TNIK: variants seen among roughly 807,000 people sequenced by gnomAD.
TNIK encodes the protein TRAF2 and NCK interacting kinase.
In TNIK, 49 loss-of-function variants were observed where a neutral mutation model predicts 191.3. The ratio of observed to expected loss-of-function variants is 0.26; its 90% confidence interval spans 0.20 to 0.32. The LOEUF (loss-of-function observed/expected upper bound fraction) is 0.32, where lower values mean the gene tolerates loss of function less well. Among genes scored for constraint, TNIK ranks in the 10% least tolerant of loss-of-function variants. The pLI, the probability that TNIK is intolerant of heterozygous loss-of-function variation, is 1.00. For missense variants in TNIK, 1,155 were observed against 1,702.3 expected (o/e 0.68, Z 5.66); for synonymous variants, 594 against 600.9 (o/e 0.99, Z 0.17).
At chr3:171,343,046 T>G (rs1711549532) in intron 2 of TNIK, among the ~76,000 whole-genome samples, 1 of 152,092 alleles carries the variant, frequency 6.6e-6, no homozygotes, top group African/African-American at 2.4e-5. Flanking sequence ...GAAGTGTGAG[T>G]CGATTAAACC....
Position 171,084,269 on chromosome 3 carries a change from T to G in TNIK, c.3055A>C (p.Lys1019Gln). 1 of 1,613,898 alleles carries G rather than the reference T, an allele frequency of 6.2e-7. No homozygotes were observed. Among genetic ancestry groups the G allele is most frequent in the South Asian group, 1.1e-5 (1 of 91,066 alleles). The part of the protein sequence containing the change: ...QEQAKLNEAR[K>Q]ISVVNVNPTN... ...GGGTTTACATTTACCACCGAAATCT[T>G]TCTTGCTTCATTGAGTTTGGCCTGT... The change falls in exon 26 of 33, where the codon AAG (lysine) becomes CAG (glutamine). Residue 1019 changes from lysine to glutamine, a missense_variant. Transcript: ENST00000436636.
At chr3:171,214,146 T>C (rs1189868285) in intron 3 of TNIK, among the ~76,000 whole-genome samples, 1 of 151,856 alleles carries the variant, frequency 6.6e-6, no homozygotes, top group Non-Finnish European at 1.5e-5. Flanking sequence ...CCTTTGGGCC[T>C]ACTGTTTATC....
rs151234475 is a variant in TNIK, at chr3:171,091,377, G to C, written c.2721+2462C>G. Among the ~76,000 whole-genome samples the C allele has an allele frequency of 3.9e-3, 594 of 152,186 alleles. 4 individuals are homozygous for C. Among genetic ancestry groups the C allele is most frequent in the African/African-American group, 0.014 (562 of 41,508 alleles). On this transcript the variant is annotated intron_variant, in intron 23 of 32. Coordinates refer to ENST00000436636, the MANE Select transcript of TNIK (RefSeq NM_015028.4). ...GGATTTATACCAACAGCTTCCCTGGGTCTCCAGCTTGCATATGGCAGATCA... is the reference window on the plus strand; with the variant it reads ...GGATTTATACCAACAGCTTCCCTGGCTCTCCAGCTTGCATATGGCAGATCA...
intron 28 of TNIK, 131 bp from the exon 29 acceptor site, chr3:171,071,454 A>G (rs1719164228): frequency 1.4e-6 from 1 of 735,168 alleles, no homozygotes; most frequent in Admixed American, 3.1e-5. Flanking sequence ...CATGAAGGTG[A>G]TATTCCTGGT....
chr3:171,323,322 G>A (rs577847597), intron 2 of TNIK, among the ~76,000 whole-genome samples: 220 of 152,238 alleles, frequency 1.4e-3, no homozygotes, highest in Non-Finnish European at 2.7e-3. Context: ...GTAGAAAATG[G>A]TCCCTTCACA....
At chr3:171,068,815 A>G in intron 30 of TNIK, 33 bp downstream of exon 30, 1 of 1,595,704 alleles carries the variant, frequency 6.3e-7, no homozygotes, top group Admixed American at 1.7e-5. Context: ...TGTTGTACAG[A>G]GAGCCCTTGA....
chr3:171,138,377 T>C lies in TNIK; in HGVS notation c.1422A>G (p.Glu474=). The C allele has an allele frequency of 6.3e-7, 1 of 1,588,066 alleles. No individual in the cohort carries two copies. Among genetic ancestry groups the C allele is most frequent in the Non-Finnish European group, 8.6e-7 (1 of 1,169,016 alleles). Residue 474 remains glutamate, a splice_region_variant and synonymous_variant, in exon 15 of 33, where the codon GAA becomes GAG. Transcript: ENST00000436636. ...GTTCTTCCAATTGTTTGCGCTTATA[T>C]TCCTGTCCAGATCAGGAAAGAGGAG... ...QLLHEQALLL[E]YKRKQLEEQR...
At chr3:171,286,723 T>G (rs905671476) in intron 2 of TNIK, among the ~76,000 whole-genome samples, 3 of 152,172 alleles carry the variant, frequency 2.0e-5, no homozygotes, top group African/African-American at 7.2e-5. Flanking sequence ...CAAACAGATA[T>G]TTAATATTTG....
At chr3:171,427,953 G>A (rs1223806779) in intron 1 of TNIK, among the ~76,000 whole-genome samples, 1 of 152,140 alleles carries the variant, frequency 6.6e-6, no homozygotes, top group Admixed American at 6.6e-5. Flanking sequence ...CAGTCTCCTG[G>A]AGGGCTTGAG....
rs145786584 is a variant in TNIK, at chr3:171,105,064, A to G, written c.2406+2119T>C. The stretch of plus-strand genomic sequence containing the variant: ...TTAGAAAGCAATGTCACATTAATGT[A>G]CACTCCCCCAAATTAATTTTTATAA... On this transcript the variant is annotated intron_variant, in intron 21 of 32. Coordinates refer to ENST00000436636, the MANE Select transcript of TNIK (RefSeq NM_015028.4). Among the ~76,000 whole-genome samples, 542 of 149,822 alleles carry G rather than the reference A, an allele frequency of 3.6e-3. 4 individuals carry two copies. The highest frequency in any genetic ancestry group is 0.013 in the African/African-American group (525 of 39,228).
rs772825985 is a variant in TNIK at position 171,126,031 on chromosome 3, G to A, written c.1894C>T (p.Arg632Cys). ...FQEALNVTSH[R>C]VEMPRQNSDP... Reference sequence around the variant, plus strand: ...GAGTTCTGGCGTGGCATCTCCACGCGGTGGGAGGTCACGTTCAGAGCCTCC... The same window carrying A: ...GAGTTCTGGCGTGGCATCTCCACGCAGTGGGAGGTCACGTTCAGAGCCTCC... The change falls in exon 17 of 33, where the codon CGC becomes TGC. Residue 632 changes from arginine (R) to cysteine (C), a missense_variant. Physicochemically the swap from Arg to Cys is radical, Grantham distance 180 (BLOSUM62 -3). Coordinates refer to ENST00000436636, the MANE Select transcript of TNIK (RefSeq NM_015028.4). 69 of 1,613,936 alleles carry A rather than the reference G, an allele frequency of 4.3e-5. 1 individual carries two copies. The Admixed American group carries it at 6.3e-4, about 15-fold the overall frequency.
rs528082609 is a variant in TNIK at position 171,161,795 on chromosome 3, C to G, written c.950-459G>C. Among the ~76,000 whole-genome samples the G allele has an allele frequency of 3.4e-3, 514 of 152,156 alleles. 4 individuals are homozygous for G. Among genetic ancestry groups the G allele is most frequent in the African/African-American group, 0.012 (481 of 41,502 alleles). ...ATTAGCCGGGCGTGGTGGCGGGTGC[C>G]TGTAGTCCCAGCTACTTGGGAGGCT... On this transcript the variant is annotated intron_variant, in intron 10 of 32. Coordinates refer to ENST00000436636, the MANE Select transcript of TNIK (RefSeq NM_015028.4).
chr3:171,296,878 T>C (rs903278350), intron 2 of TNIK, among the ~76,000 whole-genome samples: 5 of 152,218 alleles, frequency 3.3e-5, no homozygotes, highest in Admixed American at 6.5e-5. Flanking sequence ...AGAAAATATA[T>C]TGAGTATTCT....
At chr3:171,236,157 A>C (rs1194138950) in intron 2 of TNIK, among the ~76,000 whole-genome samples, 2 of 152,144 alleles carry the variant, frequency 1.3e-5, no homozygotes, top group Non-Finnish European at 2.9e-5. Flanking sequence ...GCCAAATCAC[A>C]CTGGAAAACA....
intron 1 of TNIK, among the ~76,000 whole-genome samples, chr3:171,419,142 G>T (rs1168327859): frequency 1.3e-5 from 2 of 152,166 alleles, no homozygotes; most frequent in South Asian, 4.1e-4. Context: ...CACACTGAAG[G>T]TTAGGGCTTC....
At chr3:171,331,640 C>T (rs1756429463) in intron 2 of TNIK, among the ~76,000 whole-genome samples, 1 of 152,084 alleles carries the variant, frequency 6.6e-6, no homozygotes, top group African/African-American at 2.4e-5. Flanking sequence ...CAAAAGCAAG[C>T]CTATGATAAG....
chr3:171,368,388 G>T (rs1272434687), intron 2 of TNIK, among the ~76,000 whole-genome samples: 3 of 152,180 alleles, frequency 2.0e-5, no homozygotes, highest in African/African-American at 7.2e-5. Context: ...TCAAAATGCA[G>T]TAACACAATC....
chr3:171,390,937 C>G (rs1560012075), intron 1 of TNIK, among the ~76,000 whole-genome samples: 1 of 152,198 alleles, frequency 6.6e-6, no homozygotes, highest in Non-Finnish European at 1.5e-5. Context: ...TGAAAGGACT[C>G]TAATATCTAG....
intron 15 of TNIK, among the ~76,000 whole-genome samples, chr3:171,131,049 C>G (rs191633844): frequency 2.1e-5 from 3 of 144,990 alleles, no homozygotes; most frequent in Admixed American, 1.4e-4. Context: ...AATAGGATCA[C>G]AGGCCACAGG....
Sources: allele counts gnomAD v4.1 joint callset (sites outside exome capture counted in the v4.1 genomes callset), GRCh38; gene constraint gnomAD v4.1.1; transcripts MANE v1.5; gene names NCBI Gene and HGNC (gene_info 2026-07-23, HGNC 2026-07-21).